The following MMP24 variants were observed in gnomAD, a reference collection of about 807,000 sequenced individuals.
The protein encoded by MMP24 is matrix metalloproteinase-24.
MMP24 carries 25 observed loss-of-function variants against 62.8 expected under a neutral mutation model. The observed-to-expected ratio is 0.40, with a 90% CI of 0.29 to 0.56. The LOEUF is 0.56. MMP24 is among the 20% of genes least tolerant of loss of function. The pLI, the probability that MMP24 is intolerant of heterozygous loss-of-function variation, is 0.50. For synonymous variants in MMP24, 319 were observed against 350.5 expected (o/e 0.91, Z 1.00); for missense variants, 634 against 853.6 (o/e 0.74, Z 3.21).
intron 5 of MMP24, 50 bp downstream of exon 5, chr20:35,264,002 G>A: frequency 6.5e-7 from 1 of 1,530,206 alleles, no homozygotes; most frequent in Non-Finnish European, 8.8e-7. Flanking sequence ...GCTGGGCTGT[G>A]ACTGCCTACC....
intron 2 of MMP24, among the ~76,000 whole-genome samples, chr20:35,250,940 G>A (rs544194007): frequency 2.0e-5 from 3 of 152,284 alleles, no homozygotes; most frequent in South Asian, 2.1e-4. Context: ...CAGGATTTAC[G>A]TAATTTCAGG....
rs2060672338 is a variant in MMP24 at position 35,271,891 on chromosome 20, CCAGTGCCCACGGGCATACT to C, written c.1600+66_1600+84del. The C allele has an allele frequency of 1.9e-6, 3 of 1,542,060 alleles. No homozygotes were observed. The highest frequency in any genetic ancestry group is 1.4e-5 in the African/African-American group (1 of 73,552). ...GGGAGCCGGTTTTATGTGGTCCTCA[CCAGTGCCCACGGGCATACT>C]CAGTGCCCATGGGCGTCCAGGTTTG... On this transcript the variant is annotated intron_variant, in intron 8 of 8. Coordinates refer to ENST00000246186, the MANE Select transcript of MMP24 (RefSeq NM_006690.4). The surrounding 1 kb of genome is among the most constrained non-coding windows in gnomAD (Gnocchi z 4.0).
chr20:35,276,040 A>G lies in MMP24; in HGVS notation c.*1431A>G. 2.5e-6 allele frequency: 1 copy of G among 398,558 alleles called. No individual in the cohort carries two copies. Among genetic ancestry groups the G allele is most frequent in the Non-Finnish European group, 4.4e-6 (1 of 226,112 alleles). The allele number at this position is 398,558 out of a possible 1,614,324, so 24.7% of individuals were successfully genotyped here. On this transcript the variant is annotated 3_prime_UTR_variant, in exon 9 of 9. Coordinates refer to ENST00000246186, the MANE Select transcript of MMP24 (RefSeq NM_006690.4). ...CCCACTGGCTCTCTGCCAAAGCCAA[A>G]AAGGTGTCAGGCAGTCTCCAGCGTG...
intron 2 of MMP24, among the ~76,000 whole-genome samples, chr20:35,248,845 C>G (rs1265285012): frequency 6.6e-6 from 1 of 152,172 alleles, no homozygotes; most frequent in Admixed American, 6.5e-5. Flanking sequence ...GGGCTTTGCA[C>G]AGGCCTCATG....
At chr20:35,246,740 CTG>C (rs1457593191) in intron 1 of MMP24, 98 bp from the exon 2 acceptor site, 2 of 1,382,280 alleles carry the variant, frequency 1.4e-6, no homozygotes, top group African/African-American at 2.9e-5. Context: ...CCAGGAGTCA[CTG>C]GGGTCAAATG....
Position 35,267,306 on chromosome 20 carries a change from C to A in MMP24, c.1081C>A (p.Pro361Thr), listed in dbSNP as rs749826791. The A allele has an allele frequency of 3.6e-5, 57 of 1,597,072 alleles. 1 individual carries two copies. In the South Asian group the frequency reaches 6.5e-4, roughly 18 times the overall value. The part of the protein sequence containing the change: ...SERKHERQPR[P>T]PRPPLGDRPS... ...GAGGAAACACGAGCGCCAGCCCAGG[C>A]CCCCTCGGCCGCCCCTCGGGGACCG... is the stretch of plus-strand genomic sequence containing the variant. Residue 361 changes from proline to threonine, a missense_variant, in exon 6 of 9, where the codon CCC (proline) becomes ACC (threonine). Physicochemically the swap from Pro to Thr is conservative, Grantham distance 38 (BLOSUM62 -1). Transcript: ENST00000246186.
At chr20:35,262,576 T>TG (rs1278421901) in intron 4 of MMP24, among the ~76,000 whole-genome samples, 1 of 150,208 alleles carries the variant, frequency 6.7e-6, no homozygotes, top group Non-Finnish European at 1.5e-5. Flanking sequence ...GACATTCCAT[T>TG]GCCCAGGGAC....
rs779141151 is a variant in MMP24 at position 35,271,873 on chromosome 20, G to A, written c.1600+38G>A. 6.4e-6 allele frequency: 10 copies of A among 1,574,372 alleles called. No homozygotes were observed. Among genetic ancestry groups the A allele is most frequent in the African/African-American group, 5.4e-5 (4 of 74,264 alleles). On this transcript the variant is annotated intron_variant, in intron 8 of 8. Transcript: ENST00000246186. This position sits in a 1 kb window ranked among gnomAD's most constrained non-coding sequence, Gnocchi z 4.0. ...CGGGCCAGGGTGGGCATGGGGAGCC[G>A]GTTTTATGTGGTCCTCACCAGTGCC...
chr20:35,266,490 G>A (rs928709845), intron 5 of MMP24, among the ~76,000 whole-genome samples: 38 of 152,006 alleles, frequency 2.5e-4, no homozygotes, highest in African/African-American at 8.0e-4. Context: ...ATGTAGAGAC[G>A]GAAGAGAAGA....
chr20:35,257,050 G>A (rs1267843890), intron 4 of MMP24, among the ~76,000 whole-genome samples: 2 of 152,318 alleles, frequency 1.3e-5, no homozygotes, highest in Admixed American at 1.3e-4. Flanking sequence ...CAGGCTGAGA[G>A]CAGACTCTCA....
intron 5 of MMP24, among the ~76,000 whole-genome samples, chr20:35,265,796 A>C (rs1174910726): frequency 6.6e-6 from 1 of 152,052 alleles, no homozygotes; most frequent in Non-Finnish European, 1.5e-5. Flanking sequence ...CTAGTCATTC[A>C]TCTTAAGACC....
In MMP24 at chr20:35,244,663, C is replaced by G. The variant is rs183729742; in HGVS notation, c.247-2177C>G. On this transcript the variant is annotated intron_variant, in intron 1 of 8. Transcript: ENST00000246186. Reference sequence around the variant, plus strand: ...CCATGTTGGTCAGGCTGGTCTCGAACTCCTGACCTCAGGTGATCCACCCAC... The same window carrying G: ...CCATGTTGGTCAGGCTGGTCTCGAAGTCCTGACCTCAGGTGATCCACCCAC... Among the ~76,000 whole-genome samples the G allele has an allele frequency of 6.4e-4, 98 of 152,306 alleles. No individual in the cohort carries two copies. The Middle Eastern group carries it at 0.014, about 21-fold the overall frequency.
At chr20:35,250,146 G>A (rs1280164750) in intron 2 of MMP24, among the ~76,000 whole-genome samples, 1 of 151,994 alleles carries the variant, frequency 6.6e-6, no homozygotes, top group African/African-American at 2.4e-5. Context: ...TAGAGATAGG[G>A]TTTTGCCATG....
intron 4 of MMP24, among the ~76,000 whole-genome samples, chr20:35,262,380 A>C (rs1297186205): frequency 2.6e-5 from 4 of 151,842 alleles, no homozygotes; most frequent in Admixed American, 2.6e-4. Context: ...GCAGACAAAC[A>C]CGTGAACAAA....
chr20:35,246,955 C>A lies in MMP24; in HGVS notation c.362C>A (p.Pro121Gln). 5 of 1,614,052 alleles carry A rather than the reference C, an allele frequency of 3.1e-6. No homozygotes were observed. Among genetic ancestry groups the A allele is most frequent in the Non-Finnish European group, 4.2e-6 (5 of 1,179,900 alleles). The change falls in exon 2 of 9, where the codon CCG (proline) becomes CAG (glutamine). Residue 121 changes from proline to glutamine, a missense_variant. Pro to Gln is a moderately conservative substitution (Grantham distance 76, BLOSUM62 -1). Around this residue, in one of 3 missense-constraint regions of MMP24, gnomAD observed 212 missense variants for 259.6 expected, o/e 0.82. Transcript: ENST00000246186. ...ACTATGCAGCAGTTTTACGGGATCC[C>A]GGTCACCGGTGTGTTGGATCAGACA... is the stretch of plus-strand genomic sequence containing the variant. Reference protein sequence around the residue: ...VSTMQQFYGIPVTGVLDQTTI... With the variant: ...VSTMQQFYGIQVTGVLDQTTI...
chr20:35,262,049 CG>C (rs1600797895), intron 4 of MMP24, among the ~76,000 whole-genome samples: 2 of 152,150 alleles, frequency 1.3e-5, no homozygotes, highest in Non-Finnish European at 2.9e-5. Context: ...TGATCCACCC[CG>C]ATCAGCCTCC....
At chr20:35,266,351 CAAAAA>C (rs3055615) in intron 5 of MMP24, among the ~76,000 whole-genome samples, 1 of 56,606 alleles carries the variant, frequency 1.8e-5, no homozygotes, top group East Asian at 5.7e-4. Context: ...GACTCCTTCT[CAAAAA>C]AAAAAAAAAA....
At position 35,267,524 on chromosome 20, in the gene MMP24, T is replaced by G; in HGVS notation, c.1194+105T>G. On this transcript the variant is annotated intron_variant, in intron 6 of 8. Coordinates refer to ENST00000246186, the MANE Select transcript of MMP24 (RefSeq NM_006690.4). ...CTCCTGATTTGGGATTCGATTACAA[T>G]GGGGCCTGGACAGGAGCTAGCCCAG... 2.5e-6 allele frequency: 3 copies of G among 1,224,040 alleles called. No homozygotes were observed. In the Admixed American group the frequency reaches 6.5e-5, roughly 27 times the overall value. The allele number at this position is 1,224,040 out of a possible 1,614,324, so 75.8% of individuals were successfully genotyped here. A position where few individuals can be genotyped will look rare whatever the true frequency, so the allele number is the denominator to read the frequency against.
chr20:35,232,767 G>A (rs554926341), intron 1 of MMP24, among the ~76,000 whole-genome samples: 3 of 152,280 alleles, frequency 2.0e-5, no homozygotes, highest in South Asian at 4.1e-4. Flanking sequence ...AGGAGAAGAG[G>A]CTGGAGAGGG....
Sources: gnomAD v4.1 joint callset for allele counts (sites outside exome capture counted in the v4.1 genomes callset) on GRCh38, gnomAD v4.1.1 for gene constraint, gnomAD v4.1.1 regional missense constraint, Gnocchi (gnomAD v3.1) non-coding constraint, MANE v1.5 for transcripts, NCBI Gene and HGNC (gene_info 2026-07-23, HGNC 2026-07-21) for gene names.